Variants in AGFG2 observed in about 807,000 individuals in gnomAD.
The protein encoded by AGFG2 is ArfGAP with FG repeats 2, also known as arf-GAP domain and FG repeat-containing protein 2.
Under a neutral mutation model 48.0 loss-of-function variants are expected in AGFG2, and 31 were observed. The observed-to-expected ratio is 0.65, with a 90% CI of 0.49 to 0.87. The LOEUF (loss-of-function observed/expected upper bound fraction) is 0.87. Among genes scored for constraint, AGFG2 ranks in the 40% least tolerant of loss-of-function variants. AGFG2 has a pLI of 0.00. For synonymous variants in AGFG2, 229 were observed against 260.8 expected (o/e 0.88, Z 1.18); for missense variants, 599 against 632.6 (o/e 0.95, Z 0.57).
At chr7:100,557,699 T>G (rs1444157716) in intron 6 of AGFG2, among the ~76,000 whole-genome samples, 2 of 152,150 alleles carry the variant, frequency 1.3e-5, no homozygotes, top group African/African-American at 2.4e-5. Flanking sequence ...CCTCCCAAAG[T>G]TCTGGGATTA....
chr7:100,563,348 C>T (rs536718439), intron 9 of AGFG2, among the ~76,000 whole-genome samples: 1 of 152,328 alleles, frequency 6.6e-6, no homozygotes, highest in East Asian at 1.9e-4. Context: ...CACCCTGGCC[C>T]TCCCCAGCCT....
In AGFG2 at chr7:100,563,942, C is replaced by T. The variant is rs146771264; in HGVS notation, c.1280C>T (p.Pro427Leu). 1.2e-5 allele frequency: 20 copies of T among 1,608,112 alleles called. No homozygotes were observed. Among genetic ancestry groups the T allele is most frequent in the African/African-American group, 6.7e-5 (5 of 74,884 alleles). Residue 427 changes from proline to leucine, a missense_variant, in exon 10 of 12, where the codon CCG (proline) becomes CTG (leucine). By Grantham distance (98) the Pro-to-Leu change is moderately conservative. Transcript: ENST00000300176. Reference protein sequence around the residue: ...FPAPLFPPQTPLVQQQNGSSF... With the variant: ...FPAPLFPPQTLLVQQQNGSSF... ...GCACCGCTGTTCCCCCCGCAGACCC[C>T]GCTTGTTCAGCAGCAGAATGGTAAG...
chr7:100,550,334 A>T, intron 2 of AGFG2, 62 bp from the exon 3 acceptor site: 6 of 729,892 alleles, frequency 8.2e-6, no homozygotes, highest in Non-Finnish European at 1.4e-5. Flanking sequence ...AAAAAAAGGA[A>T]GTGGTATTTT....
chr7:100,553,783 A>C (rs780460330), intron 4 of AGFG2, among the ~76,000 whole-genome samples: 22 of 152,200 alleles, frequency 1.4e-4, no homozygotes, highest in Admixed American at 3.9e-4. Context: ...ATGGTGTCCA[A>C]TACCTGGGAA....
rs1319039118 is a variant in AGFG2, at chr7:100,564,213, C to T, written c.1301-5C>T. ...GTCAGCTGAGTGACTGCTCTCGCCC[C>T]CTAGGCTCTTCCTTCGGGGACTTAG... is the stretch of plus-strand genomic sequence containing the variant. On this transcript the variant is annotated splice_region_variant and splice_polypyrimidine_tract_variant and intron_variant, in intron 10 of 11. Transcript: ENST00000300176. The T allele has an allele frequency of 5.0e-6, 8 of 1,609,312 alleles. No individual in the cohort carries two copies. The highest frequency in any genetic ancestry group is 5.9e-6 in the Non-Finnish European group (7 of 1,177,818).
rs751380761 is a variant in AGFG2 at position 100,562,350 on chromosome 7, C to T, written c.969C>T (p.Pro323=). Residue 323 remains proline (P), a synonymous_variant, in exon 7 of 12, where the codon CCC becomes CCT. Transcript: ENST00000300176. This position sits in a 1 kb window ranked among gnomAD's most constrained non-coding sequence, Gnocchi z 5.4. ...SLADVGSFLG[P]GVPAAGVPSS... ...CAGACGTGGGCAGCTTCCTGGGACC[C>T]GGGGTGCCCGCTGCAGGTGTTCCTA... The T allele has an allele frequency of 2.2e-5, 36 of 1,613,898 alleles. No homozygotes were observed. The East Asian group carries it at 5.1e-4, about 23-fold the overall frequency.
At chr7:100,543,824 A>G (rs7777462) in intron 1 of AGFG2, among the ~76,000 whole-genome samples, 3,264 of 152,256 alleles carry the variant, frequency 0.021, 46 homozygotes, top group Non-Finnish European at 0.032. Flanking sequence ...ATTTACATAC[A>G]TACTGCCACA....
intron 1 of AGFG2, among the ~76,000 whole-genome samples, chr7:100,541,503 G>A (rs1049901853): frequency 1.2e-4 from 18 of 152,124 alleles, no homozygotes; most frequent in African/African-American, 4.1e-4. Flanking sequence ...GTCGGGCTCG[G>A]TGGCTCAGTA....
At chr7:100,550,756 T>G (rs546873771) in intron 3 of AGFG2, among the ~76,000 whole-genome samples, 2 of 151,948 alleles carry the variant, frequency 1.3e-5, no homozygotes, top group South Asian at 4.2e-4. Context: ...AGTCGGGAGG[T>G]AGGCCTGTGG....
chr7:100,551,031 T>C (rs1800621494), intron 3 of AGFG2, among the ~76,000 whole-genome samples: 1 of 8,638 alleles, frequency 1.2e-4, no homozygotes, highest in East Asian at 6.5e-3. Context: ...CTGGCTAATT[T>C]ATATATATAT....
intron 1 of AGFG2, among the ~76,000 whole-genome samples, chr7:100,546,706 A>C (rs1286217686): frequency 1.3e-5 from 2 of 152,214 alleles, no homozygotes; most frequent in African/African-American, 4.8e-5. Context: ...AGACTTCAGA[A>C]AGCCCTGACA....
Position 100,548,856 on chromosome 7 carries a change from A to G in AGFG2, c.256A>G (p.Ile86Val), listed in dbSNP as rs1800566230. The G allele has an allele frequency of 6.2e-7, 1 of 1,613,644 alleles. No homozygotes were observed. The change falls in exon 2 of 12, where the codon ATC becomes GTC. Residue 86 changes from isoleucine to valine, a missense_variant. Ile to Val is a conservative substitution (Grantham distance 29, BLOSUM62 3). Transcript: ENST00000300176. Reference sequence around the variant, plus strand: ...GAACCCCCCTCATCGTGTCAAGTCAATCTCCATGACAACTTTCACTGAGCC... The same window carrying G: ...GAACCCCCCTCATCGTGTCAAGTCAGTCTCCATGACAACTTTCACTGAGCC... ...GLNPPHRVKS[I>V]SMTTFTEPEV...
chr7:100,542,111 G>T (rs1373127859), intron 1 of AGFG2, among the ~76,000 whole-genome samples: 2 of 152,098 alleles, frequency 1.3e-5, no homozygotes, highest in Non-Finnish European at 2.9e-5. Flanking sequence ...TGCCTCCTGG[G>T]TTTAAGCAAT....
chr7:100,540,718 A>T (rs1800406797), intron 1 of AGFG2, among the ~76,000 whole-genome samples: 1 of 152,040 alleles, frequency 6.6e-6, no homozygotes, highest in South Asian at 2.1e-4. Context: ...TTTGTTTTTT[A>T]AAAAATGCTT....
rs1800441169 is a variant in AGFG2, at chr7:100,542,548, T to C, written c.221+2981T>C. Among the ~76,000 whole-genome samples the C allele has an allele frequency of 2.0e-5, 3 of 152,194 alleles. 1 individual carries two copies. The highest frequency in any genetic ancestry group is 4.1e-4 in the South Asian group (2 of 4,834). On this transcript the variant is annotated intron_variant, in intron 1 of 11. Transcript: ENST00000300176. ...GAAACTCTGCAAGAAAGCTGGAGTTTCCCTATAATTAGCATGACAAGGGCA... is the reference window on the plus strand; with the variant it reads ...GAAACTCTGCAAGAAAGCTGGAGTTCCCCTATAATTAGCATGACAAGGGCA...
chr7:100,567,144 G>GT lies in AGFG2; in HGVS notation c.*2154dup, dbSNP rs1801028100. The GT allele has an allele frequency of 6.5e-6, 1 of 152,700 alleles. No homozygotes were observed. The highest frequency in any genetic ancestry group is 6.5e-5 in the Admixed American group (1 of 15,288). 9.5% of individuals were successfully genotyped at this position (152,700 alleles called of 1,614,324 possible). A position where few individuals can be genotyped will look rare whatever the true frequency, so the allele number is the denominator to read the frequency against. ...CTGGCTGGTGAGAGCTGGATGAGCA[G>GT]TAAGAAGTTAACGCCAGGTCAGCCT... On this transcript the variant is annotated 3_prime_UTR_variant, in exon 12 of 12. Coordinates refer to ENST00000300176, the MANE Select transcript of AGFG2 (RefSeq NM_006076.5).
Position 100,552,873 on chromosome 7 carries a change from G to GA in AGFG2, c.432-474_432-473insA, listed in dbSNP as rs1246254080. Among the ~76,000 whole-genome samples, 27 of 152,358 alleles carry GA rather than the reference G, an allele frequency of 1.8e-4. No homozygotes were observed. The East Asian group carries it at 5.2e-3, about 29-fold the overall frequency. ...AAATAAAAGAGGGGGACCTTTGCCA[G>GA]GTGTGGTGGCTCATGCCTGTAATCC... is the stretch of plus-strand genomic sequence containing the variant. On this transcript the variant is annotated intron_variant, in intron 3 of 11. Transcript: ENST00000300176.
chr7:100,557,265 C>T (rs530464235), intron 6 of AGFG2, among the ~76,000 whole-genome samples: 17 of 151,790 alleles, frequency 1.1e-4, no homozygotes, highest in South Asian at 8.3e-4. Context: ...AATAACTGAC[C>T]GCATACCCAT....
chr7:100,549,305 GAAAGTGACTT>G (rs935080233), intron 2 of AGFG2, among the ~76,000 whole-genome samples: 2 of 152,132 alleles, frequency 1.3e-5, no homozygotes, highest in Non-Finnish European at 2.9e-5. Context: ...TCTTGTACTG[GAAAGTGACTT>G]AAACCCCTTC....
Sources: allele counts gnomAD v4.1 joint callset (sites outside exome capture counted in the v4.1 genomes callset), GRCh38; gene constraint gnomAD v4.1.1; non-coding constraint Gnocchi (gnomAD v3.1); transcripts MANE v1.5; gene names NCBI Gene and HGNC (gene_info 2026-07-23, HGNC 2026-07-21).